Variants in NDUFAF6 observed in about 807,000 individuals in gnomAD.
NDUFAF6 encodes the protein NADH dehydrogenase (ubiquinone) complex I, assembly factor 6.
Under a neutral mutation model 40.8 loss-of-function variants are expected in NDUFAF6, and 45 were observed. The observed-to-expected ratio is 1.10, with a 90% CI of 0.87 to 1.42. The LOEUF (loss-of-function observed/expected upper bound fraction) is 1.42. Ranked by LOEUF, NDUFAF6 falls within the 40% of genes most tolerant of loss-of-function variation. The pLI, the probability that NDUFAF6 is intolerant of heterozygous loss-of-function variation, is 0.00. For missense variants in NDUFAF6, 435 were observed against 418.5 expected (o/e 1.04, Z -0.34); for synonymous variants, 185 against 155.9 (o/e 1.19, Z -1.39).
At chr8:94,933,401 A>G (rs1820624859) in intron 1 of NDUFAF6, among the ~76,000 whole-genome samples, 1 of 152,228 alleles carries the variant, frequency 6.6e-6, no homozygotes, top group Non-Finnish European at 1.5e-5. Context: ...AGGAAGAAGA[A>G]GGAAGAAAGA....
At chr8:95,095,755 C>A (rs561808514), upstream of NDUFAF6, among the ~76,000 whole-genome samples, 16 of 152,156 alleles carry the variant, frequency 1.1e-4, no homozygotes, top group Admixed American at 2.6e-4. Flanking sequence ...ACCTCTGCCC[C>A]CTGGGTTCAA....
chr8:95,012,842 C>G (rs1827283493), intron 2 of NDUFAF6, among the ~76,000 whole-genome samples: 1 of 151,788 alleles, frequency 6.6e-6, no homozygotes, highest in Non-Finnish European at 1.5e-5. Flanking sequence ...CAGCAAAAAC[C>G]CCTTTTAATG....
downstream of NDUFAF6, among the ~76,000 whole-genome samples, chr8:95,104,659 A>C (rs2132079630): frequency 6.6e-6 from 1 of 152,228 alleles, no homozygotes; most frequent in East Asian, 1.9e-4. Flanking sequence ...CATGCTTCCT[A>C]ATCTTTGGCT....
downstream of NDUFAF6, chr8:95,058,829 C>A (rs1343718479): frequency 5.2e-6 from 5 of 960,072 alleles, no homozygotes; most frequent in Non-Finnish European, 6.2e-6. Flanking sequence ...CATTTTTGTT[C>A]ATTAAACTTT....
chr8:94,918,814 A>C (rs748554320), intron 1 of NDUFAF6, among the ~76,000 whole-genome samples: 2 of 152,124 alleles, frequency 1.3e-5, no homozygotes, highest in Non-Finnish European at 2.9e-5. Context: ...CCTGTGTTTT[A>C]CCTTTGGGAG....
chr8:95,021,203 A>T (rs1827679745), upstream of NDUFAF6, among the ~76,000 whole-genome samples: 1 of 152,172 alleles, frequency 6.6e-6, no homozygotes, highest in African/African-American at 2.4e-5. Flanking sequence ...TCCTCTGTGT[A>T]GCTCTCTTGG....
intron 1 of NDUFAF6, among the ~76,000 whole-genome samples, chr8:94,937,735 C>G (rs2956205): frequency 6.6e-6 from 1 of 152,234 alleles, no homozygotes; most frequent in South Asian, 2.1e-4. Flanking sequence ...GAAGCTGTAA[C>G]TATGTTTTTA....
intron 1 of NDUFAF6, chr8:94,895,950 G>C (rs1243751712): frequency 6.6e-6 from 1 of 152,462 alleles, no homozygotes; most frequent in Admixed American, 6.5e-5. Context: ...CCTGCTTTCC[G>C]GCTCCCTGCT....
At chr8:95,069,610 T>C (rs1333007069) in intron 9 of NDUFAF6, among the ~76,000 whole-genome samples, 1 of 150,908 alleles carries the variant, frequency 6.6e-6, no homozygotes, top group Non-Finnish European at 1.5e-5. Flanking sequence ...TGAAACCCCA[T>C]CTCTACTAAA....
intron 4 of NDUFAF6, chr8:95,044,484 C>T (rs1016324088): frequency 3.9e-5 from 5 of 128,722 alleles, no homozygotes; most frequent in Non-Finnish European, 7.9e-5. Flanking sequence ...CAGAGTCTCA[C>T]TCTTGTCGCC....
At chr8:94,970,099 C>CA (rs1454304244) in intron 1 of NDUFAF6, among the ~76,000 whole-genome samples, 1 of 151,562 alleles carries the variant, frequency 6.6e-6, no homozygotes, top group Non-Finnish European at 1.5e-5. Flanking sequence ...TACTAAAATA[C>CA]AAAAAATTAG....
chr8:94,947,284 T>TA lies in NDUFAF6; in HGVS notation c.-799+1681dup, dbSNP rs11331443. On this transcript the variant is annotated intron_variant, in intron 2 of 14. Coordinates refer to the NDUFAF6 transcript ENST00000396113. The stretch of plus-strand genomic sequence containing the variant: ...GCCAGTAGGCGGCTCCAAAAAATAT[T>TA]AAAAAAAAAAAAAAAACCCGCAAGT... 3.5e-3 allele frequency among the ~76,000 whole-genome samples: 497 copies of TA among 143,142 alleles called. 2 individuals are homozygous for TA. Among genetic ancestry groups the TA allele is most frequent in the Middle Eastern group, 0.015 (4 of 272 alleles). 93.9% of individuals were successfully genotyped at this position (143,142 alleles called of 152,430 possible).
intron 1 of NDUFAF6, among the ~76,000 whole-genome samples, chr8:94,916,988 C>T (rs898848034): frequency 2.5e-4 from 38 of 150,820 alleles, no homozygotes; most frequent in Admixed American, 1.1e-3. Flanking sequence ...GTGGCGGGCA[C>T]CTGTAGTCCC....
chr8:95,000,264 G>A, intron 2 of NDUFAF6, among the ~76,000 whole-genome samples: 1 of 152,158 alleles, frequency 6.6e-6, no homozygotes, highest in Non-Finnish European at 1.5e-5. Context: ...TTGAGTCTGG[G>A]AGGCGGAGGT....
intron 2 of NDUFAF6, among the ~76,000 whole-genome samples, chr8:95,093,265 T>C (rs1467726044): frequency 6.6e-6 from 1 of 152,198 alleles, no homozygotes; most frequent in Non-Finnish European, 1.5e-5. Flanking sequence ...AAAATCAGAA[T>C]GATAATATCT....
chr8:95,006,629 C>T (rs2131661355), intron 2 of NDUFAF6, among the ~76,000 whole-genome samples: 1 of 152,130 alleles, frequency 6.6e-6, no homozygotes, highest in East Asian at 1.9e-4. Flanking sequence ...ACGTGTAACC[C>T]CAGCATTTTG....
intron 7 of NDUFAF6, among the ~76,000 whole-genome samples, chr8:95,049,753 C>G (rs926575962): frequency 6.6e-6 from 1 of 152,142 alleles, no homozygotes; most frequent in African/African-American, 2.4e-5. Flanking sequence ...TAACATCTTC[C>G]TTTTCCATCA....
At chr8:95,031,927 T>A in intron 1 of NDUFAF6, 68 bp from the exon 2 acceptor site, 3 of 1,458,990 alleles carry the variant, frequency 2.1e-6, no homozygotes, top group Non-Finnish European at 2.9e-6. Context: ...TCAGTTAATT[T>A]TAGTCAGTAT....
chr8:94,923,211 G>A (rs1819623594), intron 1 of NDUFAF6, among the ~76,000 whole-genome samples: 1 of 152,208 alleles, frequency 6.6e-6, no homozygotes, highest in African/African-American at 2.4e-5. Context: ...CATGAAGCAG[G>A]TAAGGTGTGA....
Sources: gnomAD v4.1 joint callset for allele counts (sites outside exome capture counted in the v4.1 genomes callset) on GRCh38, gnomAD v4.1.1 for gene constraint, MANE v1.5 for transcripts, NCBI Gene and HGNC (gene_info 2026-07-23, HGNC 2026-07-21) for gene names.